Variants in ST6GALNAC6 observed in about 807,000 individuals in gnomAD.
The protein encoded by ST6GALNAC6 is alpha-N-acetylgalactosaminide alpha-2,6-sialyltransferase 6.
A neutral mutation model predicts 34.3 loss-of-function variants in ST6GALNAC6; 19 were observed. That is an observed-to-expected ratio of 0.55 (90% CI 0.39 to 0.81). ST6GALNAC6 has a LOEUF of 0.81. ST6GALNAC6 is among the 40% of genes least tolerant of loss of function. The pLI, the probability that ST6GALNAC6 is intolerant of heterozygous loss-of-function variation, is 0.00. For synonymous variants in ST6GALNAC6, 185 were observed against 182.1 expected, an observed-to-expected ratio of 1.02 and a Z score of -0.13; for missense variants, 377 against 467.7, an observed-to-expected ratio of 0.81 and a Z score of 1.79.
chr9:127,897,985 A>G lies in ST6GALNAC6; in HGVS notation c.-4T>C. 2 of 1,549,214 alleles carry G rather than the reference A, an allele frequency of 1.3e-6. No homozygotes were observed. Among genetic ancestry groups the G allele is most frequent in the South Asian group, 1.1e-5 (1 of 88,326 alleles). On this transcript the variant is annotated 5_prime_UTR_variant, in exon 2 of 7. Coordinates refer to ENST00000373146, the MANE Select transcript of ST6GALNAC6 (RefSeq NM_013443.5). ...TGGGGGGCCTCGAGCAAGCCATGTG[A>G]CCTCTCTGAGCCTCAGTTTCCTCAT...
rs151098507 is a variant in ST6GALNAC6, at chr9:127,896,289, G to A, written c.70C>T (p.Arg24Ter). 115 of 1,614,040 alleles carry A rather than the reference G, an allele frequency of 7.1e-5. No individual in the cohort carries two copies. In the African/African-American group the frequency reaches 1.0e-3, roughly 14 times the overall value. ...SLPPGPPAGRRHLPLSRRRRE... is the reference protein window; with the variant it reads ...SLPPGPPAGR ...CGGCGTCTGCTGAGGGGTAGGTGTCGGCGTCCTGCAGGTGGCCCTGGGGGC... is the reference window on the plus strand; with the variant it reads ...CGGCGTCTGCTGAGGGGTAGGTGTCAGCGTCCTGCAGGTGGCCCTGGGGGC... The change falls in exon 3 of 7, where the codon CGA (arginine) becomes TGA (stop). Residue 24 changes from arginine (R) to a stop codon, truncating the protein, a stop_gained. Transcript: ENST00000373146. LOFTEE classifies it high-confidence loss of function.
intron 5 of ST6GALNAC6, among the ~76,000 whole-genome samples, chr9:127,889,634 G>A (rs1055802583): frequency 2.6e-5 from 4 of 151,652 alleles, no homozygotes; most frequent in African/African-American, 4.8e-5. Flanking sequence ...TACTAGAGAC[G>A]GGGTTTCACC....
upstream of ST6GALNAC6, chr9:127,905,877 C>A (rs1017193065): frequency 1.1e-6 from 1 of 941,022 alleles, no homozygotes. Flanking sequence ...CCAGGGCCCT[C>A]CCTCTGAGCC....
At chr9:127,904,154 G>C (rs1052475964), upstream of ST6GALNAC6, 22 of 152,268 alleles carry the variant, frequency 1.4e-4, no homozygotes, top group Admixed American at 1.4e-3. Context: ...CCTATGAGTT[G>C]GGTACTGCGG....
chr9:127,891,080 T>A (rs1006745580), intron 4 of ST6GALNAC6, 37 bp from the exon 5 acceptor site: 6 of 1,604,992 alleles, frequency 3.7e-6, no homozygotes, highest in Non-Finnish European at 4.3e-6. Context: ...TCACGGCCAC[T>A]CTGTGCTGGC....
intron 2 of ST6GALNAC6, chr9:127,896,806 G>A (rs1255181505): frequency 9.4e-6 from 9 of 955,952 alleles, no homozygotes; most frequent in Middle Eastern, 5.3e-4. Context: ...CTCCAAGCCT[G>A]GCATGGACCA....
At chr9:127,902,565 CATTATT>C (rs61633477), upstream of ST6GALNAC6, among the ~76,000 whole-genome samples, 290 of 147,110 alleles carry the variant, frequency 2.0e-3, no homozygotes, top group African/African-American at 4.3e-3. Context: ...ATAATGGTCA[CATTATT>C]ATTATTATTA....
intron 1 of ST6GALNAC6, among the ~76,000 whole-genome samples, chr9:127,898,280 C>A (rs1052595047): frequency 6.6e-6 from 1 of 152,202 alleles, no homozygotes; most frequent in Non-Finnish European, 1.5e-5. Flanking sequence ...GTTGTCCCAG[C>A]TACTCCGGAG....
rs769016539 is a variant in ST6GALNAC6, at chr9:127,887,558, C to T, written c.738G>A (p.Trp246Ter). 1 of 1,612,646 alleles carries T rather than the reference C, an allele frequency of 6.2e-7. No individual in the cohort carries two copies. The change falls in exon 6 of 7, where the codon TGG becomes TGA. Residue 246 changes from tryptophan (W) to a stop codon, truncating the protein, a stop_gained. Transcript: ENST00000373146. LOFTEE classifies it high-confidence loss of function. ...ACTCCACCGCGATCACCATGGTAAA[C>T]CAGCCTGTGCTCAACCACGAATGAG... ...EKSHSWLSTG[W>*]FTMVIAVELC...
At chr9:127,892,883 C>T (rs1473110652) in intron 4 of ST6GALNAC6, among the ~76,000 whole-genome samples, 1 of 152,062 alleles carries the variant, frequency 6.6e-6, no homozygotes, top group East Asian at 1.9e-4. Flanking sequence ...TGATTTCATC[C>T]CCAACCATTC....
At chr9:127,891,835 T>C (rs1236552415) in intron 4 of ST6GALNAC6, among the ~76,000 whole-genome samples, 2 of 150,496 alleles carry the variant, frequency 1.3e-5, no homozygotes, top group South Asian at 4.3e-4. Context: ...AAAGAGCGAC[T>C]GCAGCCAGGG....
chr9:127,895,790 G>C (rs994011357), intron 3 of ST6GALNAC6, among the ~76,000 whole-genome samples: 6 of 152,266 alleles, frequency 3.9e-5, no homozygotes, highest in African/African-American at 1.2e-4. Context: ...GGCATGCAGG[G>C]CCAGTCATGT....
chr9:127,891,413 C>T (rs13301474), intron 4 of ST6GALNAC6, among the ~76,000 whole-genome samples: 30,604 of 151,662 alleles, frequency 0.2, 3,145 homozygotes, highest in South Asian at 0.28. Flanking sequence ...GTCAGAAGTT[C>T]GAGACCAGCC....
chr9:127,896,261 C>T lies in ST6GALNAC6; in HGVS notation c.98G>A (p.Arg33Lys). The change falls in exon 3 of 7, where the codon AGA becomes AAA. Residue 33 changes from arginine (R) to lysine (K), a missense_variant. By Grantham distance (26) the Arg-to-Lys change is conservative (BLOSUM62 2). Transcript: ENST00000373146. ...ACTTACTTTGTTGCTACTCATTTCTCTCCGGCGTCTGCTGAGGGGTAGGTG... is the reference window on the plus strand; with the variant it reads ...ACTTACTTTGTTGCTACTCATTTCTTTCCGGCGTCTGCTGAGGGGTAGGTG... ...RRHLPLSRRR[R>K]EMSSNKEQRS... 1 of 1,614,152 alleles carries T rather than the reference C, an allele frequency of 6.2e-7. No individual in the cohort carries two copies. The highest frequency in any genetic ancestry group is 1.1e-5 in the South Asian group (1 of 91,084).
chr9:127,899,582 C>A lies in ST6GALNAC6; in HGVS notation c.-109G>T. ...CGGGAGCCGAGCGCCGGGGTCCGCG[C>A]TCCTCAGGCCGCCCAGGCCTCGCCG... is the stretch of plus-strand genomic sequence containing the variant. On this transcript the variant is annotated 5_prime_UTR_variant, in exon 1 of 7. Transcript: ENST00000373146. The A allele has an allele frequency of 2.0e-6, 2 of 981,482 alleles. No individual in the cohort carries two copies. The highest frequency in any genetic ancestry group is 1.8e-5 in the African/African-American group (1 of 56,942). The allele number at this position is 981,482 out of a possible 1,614,324, so 60.8% of individuals were successfully genotyped here. A position where few individuals can be genotyped will look rare whatever the true frequency, so the allele number is the denominator to read the frequency against.
upstream of ST6GALNAC6, chr9:127,906,072 A>T: frequency 1.0e-6 from 1 of 974,186 alleles, no homozygotes; most frequent in Middle Eastern, 5.3e-4. Context: ...GGCACTGGGC[A>T]GGAGGAAGCC....
At chr9:127,893,381 A>G (rs1830262131) in intron 4 of ST6GALNAC6, among the ~76,000 whole-genome samples, 1 of 152,194 alleles carries the variant, frequency 6.6e-6, no homozygotes, top group African/African-American at 2.4e-5. Flanking sequence ...TTATTAAGGA[A>G]GGTGTGAAAG....
chr9:127,888,287 T>A (rs1251729687), intron 5 of ST6GALNAC6, among the ~76,000 whole-genome samples: 1 of 149,014 alleles, frequency 6.7e-6, no homozygotes, highest in Non-Finnish European at 1.5e-5. Context: ...GCGGATCACC[T>A]GAGGTCAGGA....
intron 1 of ST6GALNAC6, 67 bp downstream of exon 1, chr9:127,899,436 G>GCCCAA: frequency 1.3e-6 from 1 of 768,278 alleles, no homozygotes. Context: ...CTCTCCCGGC[G>GCCCAA]CCCTCCGCCC....
Sources: allele counts gnomAD v4.1 joint callset (sites outside exome capture counted in the v4.1 genomes callset), GRCh38; gene constraint gnomAD v4.1.1; transcripts MANE v1.5; gene names NCBI Gene and HGNC (gene_info 2026-07-23, HGNC 2026-07-21).